Variants in CAV2 observed in about 807,000 individuals in gnomAD.
The protein encoded by CAV2 is caveolin 2.
In CAV2, 7 loss-of-function variants were observed where a neutral mutation model predicts 15.5. The observed-to-expected ratio is 0.45, with a 90% CI of 0.26 to 0.85. CAV2 has a LOEUF of 0.85. Among genes scored for constraint, CAV2 ranks in the 40% least tolerant of loss-of-function variants. CAV2 has a pLI of 0.18. For synonymous variants in CAV2, 76 were observed against 83.1 expected, an observed-to-expected ratio of 0.91 and a Z score of 0.46; for missense variants, 229 against 208.8, an observed-to-expected ratio of 1.10 and a Z score of -0.60.
Position 116,506,914 on chromosome 7 carries a change from AATAAAAG to A in CAV2, c.*802_*808del, listed in dbSNP as rs913529274. The A allele has an allele frequency of 1.3e-5, 2 of 152,224 alleles. No homozygotes were observed. The highest frequency in any genetic ancestry group is 1.9e-4 in the East Asian group (1 of 5,204). 9.4% of individuals were successfully genotyped at this position (152,224 alleles called of 1,614,324 possible). A position where few individuals can be genotyped will look rare whatever the true frequency, so the allele number is the denominator to read the frequency against. On this transcript the variant is annotated 3_prime_UTR_variant, in exon 3 of 3. Transcript: ENST00000222693. The stretch of plus-strand genomic sequence containing the variant: ...TAAGCATTTGTACATCTTCTTTGGA[AATAAAAG>A]ATAAAAGAGCGATACACAAAGCTTT...
In CAV2 at chr7:116,500,284, G is replaced by A; in HGVS notation, c.175G>A (p.Glu59Lys). 1 of 1,614,130 alleles carries A rather than the reference G, an allele frequency of 6.2e-7. No individual in the cohort carries two copies. The highest frequency in any genetic ancestry group is 8.5e-7 in the Non-Finnish European group (1 of 1,179,994). The change falls in exon 2 of 3, where the codon GAG becomes AAG. Residue 59 changes from glutamate (E) to lysine (K), a missense_variant. Coordinates refer to ENST00000222693, the MANE Select transcript of CAV2 (RefSeq NM_001233.5). The part of the protein sequence containing the change: ...LKLGFEDVIA[E>K]PVTTHSFDKV... ...GCTGGGCTTCGAGGATGTGATCGCA[G>A]AGCCGGTGACTACGCACTCCTTTGA...
intron 2 of CAV2, among the ~76,000 whole-genome samples, chr7:116,501,574 T>C (rs1458148636): frequency 6.6e-6 from 1 of 152,246 alleles, no homozygotes; most frequent in Non-Finnish European, 1.5e-5. Flanking sequence ...GCTTAGTTTG[T>C]GCTGGGCACT....
chr7:116,505,107 A>G (rs1793202301), intron 2 of CAV2, among the ~76,000 whole-genome samples: 1 of 152,204 alleles, frequency 6.6e-6, no homozygotes, highest in Admixed American at 6.5e-5. Flanking sequence ...ACATGTGAAA[A>G]TTAAGAAGTT....
At chr7:116,501,081 T>C (rs914373542) in intron 2 of CAV2, 1 of 152,122 alleles carries the variant, frequency 6.6e-6, no homozygotes, top group Non-Finnish European at 1.5e-5. Context: ...TCCAAATTAC[T>C]TTTTCACTGA....
rs1417100787 is a variant in CAV2 at position 116,508,122 on chromosome 7, G to C, written c.*2001G>C. The stretch of plus-strand genomic sequence containing the variant: ...TAGATTTTATTATGTTAGTTTAAAA[G>C]GTCAATCAGCCTCATGACTTTATAG... On this transcript the variant is annotated 3_prime_UTR_variant, in exon 3 of 3. Transcript: ENST00000222693. 1 of 152,032 alleles carries C rather than the reference G, an allele frequency of 6.6e-6. No individual in the cohort carries two copies. 9.4% of individuals were successfully genotyped at this position (152,032 alleles called of 1,614,324 possible).
intron 1 of CAV2, 121 bp from the exon 2 acceptor site, chr7:116,500,139 A>G (rs1013544572): frequency 6.7e-7 from 1 of 1,496,670 alleles, no homozygotes; most frequent in East Asian, 2.3e-5. Context: ...CCGTGACCCT[A>G]AGAGAAGAGG....
chr7:116,500,190 C>T, intron 1 of CAV2, 70 bp from the exon 2 acceptor site: 1 of 1,566,040 alleles, frequency 6.4e-7, no homozygotes, highest in South Asian at 1.2e-5. Flanking sequence ...TTCCCCCGCC[C>T]AAAGCGCTCC....
At chr7:116,500,134 A>T in intron 1 of CAV2, 126 bp from the exon 2 acceptor site, 1 of 1,488,336 alleles carries the variant, frequency 6.7e-7, no homozygotes, top group Non-Finnish European at 8.9e-7. Flanking sequence ...GCCCACCGTG[A>T]CCCTAAGAGA....
Position 116,499,903 on chromosome 7 carries a change from A to T in CAV2, c.122A>T (p.Asp41Val), listed in dbSNP as rs1244765973. 5 of 1,610,832 alleles carry T rather than the reference A, an allele frequency of 3.1e-6. No individual in the cohort carries two copies. Among genetic ancestry groups the T allele is most frequent in the Non-Finnish European group, 4.2e-6 (5 of 1,179,142 alleles). ...EKFADSDQDR[D>V]PHRLNSHLKL... Reference sequence around the variant, plus strand: ...TTCGCGGACTCGGACCAGGACCGGGATCCCCACCGGCTCAACTCGCATCTC... The same window carrying T: ...TTCGCGGACTCGGACCAGGACCGGGTTCCCCACCGGCTCAACTCGCATCTC... Residue 41 changes from aspartate to valine, a missense_variant, in exon 1 of 3, where the codon GAT becomes GTT. Coordinates refer to ENST00000222693, the MANE Select transcript of CAV2 (RefSeq NM_001233.5).
rs534124171 is a variant in CAV2 at position 116,508,492 on chromosome 7, A to G, written c.*2371A>G. On this transcript the variant is annotated 3_prime_UTR_variant, in exon 3 of 3. Transcript: ENST00000222693. The stretch of plus-strand genomic sequence containing the variant: ...TGTTTTATTTGGGGCTGGGGGAGGT[A>G]TATGATGAGCAGACTTCTCGGAATT... 7 of 152,286 alleles carry G rather than the reference A, an allele frequency of 4.6e-5. No individual in the cohort carries two copies. Among genetic ancestry groups the G allele is most frequent in the African/African-American group, 1.7e-4 (7 of 41,578 alleles). The allele number at this position is 152,286 out of a possible 1,614,324, so 9.4% of individuals were successfully genotyped here. A position where few individuals can be genotyped will look rare whatever the true frequency, so the allele number is the denominator to read the frequency against.
At chr7:116,503,806 G>A (rs1793156774) in intron 2 of CAV2, among the ~76,000 whole-genome samples, 1 of 150,928 alleles carries the variant, frequency 6.6e-6, no homozygotes, top group Non-Finnish European at 1.5e-5. Context: ...CTCCAGCCTG[G>A]GCAATAGAGT....
chr7:116,505,876 A>G, intron 2 of CAV2, 95 bp from the exon 3 acceptor site: 1 of 741,468 alleles, frequency 1.3e-6, no homozygotes, highest in South Asian at 2.3e-5. Flanking sequence ...AAATTTAAGT[A>G]AATGGGTCAG....
rs1285811042 is a variant in CAV2, at chr7:116,505,224, C to T, written c.339-747C>T. On this transcript the variant is annotated intron_variant, in intron 2 of 2. Transcript: ENST00000222693. ...GAAAGGCTATCAGGAAGTAAACCCT[C>T]AGGGAAGTGTGAAGACTTAAGCAGG... Among the ~76,000 whole-genome samples, 10 of 152,212 alleles carry T rather than the reference C, an allele frequency of 6.6e-5. 1 individual carries two copies. The highest frequency in any genetic ancestry group is 6.5e-4 in the Admixed American group (10 of 15,286).
In CAV2 at chr7:116,506,352, A is replaced by T. The variant is rs979234075; in HGVS notation, c.*231A>T. 4.9e-5 allele frequency: 22 copies of T among 453,558 alleles called. No individual in the cohort carries two copies. The highest frequency in any genetic ancestry group is 8.2e-5 in the Non-Finnish European group (21 of 257,474). The allele number at this position is 453,558 out of a possible 1,614,324, so 28.1% of individuals were successfully genotyped here. ...GTAACCAGAATTATACAGTAAGTTG[A>T]CACCACTTAGATTTAAAGGCAGACA... On this transcript the variant is annotated 3_prime_UTR_variant, in exon 3 of 3. Transcript: ENST00000222693.
chr7:116,499,924 A>C lies in CAV2; in HGVS notation c.143A>C (p.His48Pro). The change falls in exon 1 of 3, where the codon CAT becomes CCT. Residue 48 changes from histidine to proline, a missense_variant. By Grantham distance (77) the His-to-Pro change is moderately conservative (BLOSUM62 -2). Transcript: ENST00000222693. The part of the protein sequence containing the change: ...QDRDPHRLNS[H>P]LKLGFEDVIA... The stretch of plus-strand genomic sequence containing the variant: ...CGGGATCCCCACCGGCTCAACTCGC[A>C]TCTCAAGGTGAAGCCCGGGGCGGGC... 1 of 1,610,764 alleles carries C rather than the reference A, an allele frequency of 6.2e-7. No homozygotes were observed. Among genetic ancestry groups the C allele is most frequent in the Non-Finnish European group, 8.5e-7 (1 of 1,179,152 alleles).
chr7:116,503,903 G>GAGGGAGGGAGGAAGGAAGGA, intron 2 of CAV2, among the ~76,000 whole-genome samples: 1 of 29,532 alleles, frequency 3.4e-5, no homozygotes, highest in African/African-American at 1.1e-4. Flanking sequence ...GGGAGGGAGG[G>GAGGGAGGGAGGAAGGAAGGA]AGGGAGGGAG....
At chr7:116,500,527 A>C in intron 2 of CAV2, 80 bp downstream of exon 2, 4 of 1,384,980 alleles carry the variant, frequency 2.9e-6, no homozygotes, top group Non-Finnish European at 4.0e-6. Context: ...CTCTCCTCTT[A>C]TCCCAGGCCG....
Position 116,506,142 on chromosome 7 carries a change from G to C in CAV2, c.*21G>C. On this transcript the variant is annotated 3_prime_UTR_variant, in exon 3 of 3. Coordinates refer to ENST00000222693, the MANE Select transcript of CAV2 (RefSeq NM_001233.5). ...ATTGAATACTTGGACCCCAGGTCTGGAGATTGGGATACTGTAATACTTCTT... is the reference window on the plus strand; with the variant it reads ...ATTGAATACTTGGACCCCAGGTCTGCAGATTGGGATACTGTAATACTTCTT... The C allele has an allele frequency of 6.2e-7, 1 of 1,613,124 alleles. No individual in the cohort carries two copies.
chr7:116,506,158 A>G lies in CAV2; in HGVS notation c.*37A>G. ...CCAGGTCTGGAGATTGGGATACTGT[A>G]ATACTTCTTTGTTATTATAACATAA... On this transcript the variant is annotated 3_prime_UTR_variant, in exon 3 of 3. Transcript: ENST00000222693. The G allele has an allele frequency of 6.2e-7, 1 of 1,605,802 alleles. No homozygotes were observed. The highest frequency in any genetic ancestry group is 8.5e-7 in the Non-Finnish European group (1 of 1,173,022).
Sources: gnomAD v4.1 joint callset for allele counts (sites outside exome capture counted in the v4.1 genomes callset) on GRCh38, gnomAD v4.1.1 for gene constraint, MANE v1.5 for transcripts, NCBI Gene and HGNC (gene_info 2026-07-23, HGNC 2026-07-21) for gene names.